MSL3: variants seen among roughly 807,000 people sequenced by gnomAD.
The protein encoded by MSL3 is MSL3-like 1.
MSL3 carries 5 observed loss-of-function variants against 37.2 expected under a neutral mutation model. The observed-to-expected ratio is 0.13, with a 90% CI of 0.07 to 0.28. MSL3 has a LOEUF of 0.28. MSL3 is among the 10% of genes least tolerant of loss of function. The pLI, the probability that MSL3 is intolerant of heterozygous loss-of-function variation, is 1.00. For synonymous variants in MSL3, 149 were observed against 147.6 expected (o/e 1.01, Z -0.07); for missense variants, 315 against 408.5 (o/e 0.77, Z 1.97).
chrX:11,764,119 A>C, intron 8 of MSL3, 181 bp downstream of exon 8: 1 of 402,999 alleles, frequency 2.5e-6, no homozygotes, highest in Non-Finnish European at 4.2e-6. Context: ...ATTCACTTTC[A>C]TATGGCTCTG....
intron 10 of MSL3, among the ~76,000 whole-genome samples, chrX:11,770,285 G>C (rs188111047): frequency 8.9e-6 from 1 of 111,989 alleles, no homozygotes; most frequent in East Asian, 2.8e-4. Flanking sequence ...GATGATTGTT[G>C]AGGGTAGGTT....
At chrX:11,758,871 G>A (rs1313417377) in intron 1 of MSL3, 2 of 899,127 alleles carry the variant, frequency 2.2e-6, no homozygotes, top group East Asian at 6.9e-5. Context: ...TGTAGGCCGT[G>A]AACCCCATCC....
intron 5 of MSL3, 45 bp downstream of exon 5, chrX:11,761,627 T>G: frequency 1.2e-6 from 1 of 858,944 alleles, no homozygotes; most frequent in Non-Finnish European, 1.7e-6. Context: ...TTATATATTT[T>G]AGTGGTAAAA....
chrX:11,768,011 A>G (rs1407991086), intron 9 of MSL3: 6 of 682,826 alleles, frequency 8.8e-6, no homozygotes, highest in Non-Finnish European at 8.7e-6. Context: ...ATTTGTATTT[A>G]TTGATGTGAA....
upstream of MSL3, chrX:11,758,201 CG>C: frequency 6.0e-6 from 1 of 167,990 alleles, no homozygotes; most frequent in Non-Finnish European, 1.1e-5. Flanking sequence ...CGCCCCCGCC[CG>C]CCCTCCCCCA....
chrX:11,758,714 C>T, intron 1 of MSL3: 11 of 1,167,161 alleles, frequency 9.4e-6, no homozygotes, highest in Admixed American at 2.6e-5. Flanking sequence ...TTAAATGTCT[C>T]CTTCTGTGCG....
chrX:11,760,551 T>C, intron 3 of MSL3, 53 bp downstream of exon 3: 1 of 897,794 alleles, frequency 1.1e-6, no homozygotes, highest in Non-Finnish European at 1.5e-6. Flanking sequence ...TTTCTCTTAG[T>C]GTTTTAGATT....
intron 1 of MSL3, among the ~76,000 whole-genome samples, chrX:11,759,185 G>T (rs1198126095): frequency 8.9e-6 from 1 of 112,246 alleles, no homozygotes; most frequent in Non-Finnish European, 1.9e-5. Flanking sequence ...GCAGTCCCAG[G>T]TGTGTCTTTG....
Position 11,767,235 on chromosome X carries a change from G to A in MSL3, c.1172-1338G>A. The A allele has an allele frequency of 1.1e-5, 8 of 754,596 alleles. No homozygotes were observed. In the South Asian group the frequency reaches 2.7e-4, roughly 25 times the overall value. 62.2% of individuals were successfully genotyped at this position (754,596 alleles called of 1,213,427 possible). A position where few individuals can be genotyped will look rare whatever the true frequency, so the allele number is the denominator to read the frequency against. Reference sequence around the variant, plus strand: ...GCTCAGAAGGGCAGAGTTGAAGAAGGCATACCTTTAAGAGAAGCCCTTTGA... The same window carrying A: ...GCTCAGAAGGGCAGAGTTGAAGAAGACATACCTTTAAGAGAAGCCCTTTGA... On this transcript the variant is annotated intron_variant, in intron 9 of 12. Coordinates refer to ENST00000312196, the MANE Select transcript of MSL3 (RefSeq NM_078629.4).
chrX:11,758,235 G>C (rs753697731), upstream of MSL3: 55 of 593,222 alleles, frequency 9.3e-5, no homozygotes, highest in South Asian at 1.8e-3. Context: ...CGCCCGCCCC[G>C]GAGCCTCGCC....
intron 4 of MSL3, 106 bp downstream of exon 4, chrX:11,761,043 A>G: frequency 1.8e-6 from 1 of 551,562 alleles, no homozygotes; most frequent in South Asian, 3.6e-5. Flanking sequence ...CTCATTATGT[A>G]TAATATTTGC....
chrX:11,760,212 T>C (rs1422065189), intron 2 of MSL3, 191 bp from the exon 3 acceptor site: 2 of 381,834 alleles, frequency 5.2e-6, no homozygotes, highest in African/African-American at 2.6e-5. Context: ...TGGGTGATTC[T>C]GGAAACCCCA....
chrX:11,760,725 A>G (rs2053124247), intron 3 of MSL3, 112 bp from the exon 4 acceptor site: 1 of 663,751 alleles, frequency 1.5e-6, no homozygotes, highest in Admixed American at 4.5e-5. Flanking sequence ...TTATGTTCTA[A>G]AGTTTAATAA....
Position 11,765,760 on chromosome X carries a change from G to A in MSL3, c.1171+31G>A. Reference sequence around the variant, plus strand: ...TTCATTCTCGGGTGCCCCAGGCCGGGGAGAGCCAGCGTGTACTTTGTGTTT... The same window carrying A: ...TTCATTCTCGGGTGCCCCAGGCCGGAGAGAGCCAGCGTGTACTTTGTGTTT... On this transcript the variant is annotated intron_variant, in intron 9 of 12. Coordinates refer to ENST00000312196, the MANE Select transcript of MSL3 (RefSeq NM_078629.4). 1 of 1,205,318 alleles carries A rather than the reference G, an allele frequency of 8.3e-7. No individual in the cohort carries two copies. The highest frequency in any genetic ancestry group is 1.1e-6 in the Non-Finnish European group (1 of 892,134).
intron 2 of MSL3, 99 bp downstream of exon 2, chrX:11,759,974 T>G: frequency 2.0e-6 from 2 of 978,113 alleles, no homozygotes; most frequent in South Asian, 5.0e-5. Flanking sequence ...GAAGTTTGTT[T>G]CATTTCCTGC....
intron 2 of MSL3, 148 bp downstream of exon 2, chrX:11,760,023 A>C: frequency 1.6e-6 from 1 of 641,160 alleles, no homozygotes; most frequent in Non-Finnish European, 2.3e-6. Flanking sequence ...TAAGTTTTTG[A>C]AACACTTGTA....
chrX:11,762,305 C>G, intron 6 of MSL3, 53 bp downstream of exon 6: 1 of 1,048,063 alleles, frequency 9.5e-7, no homozygotes, highest in Non-Finnish European at 1.3e-6. Context: ...TTCATTTTGC[C>G]ATAGTTTGCA....
In MSL3 at chrX:11,765,686, C is replaced by T. The variant is rs1238727165; in HGVS notation, c.1128C>T (p.Asp376=). 1 of 1,212,222 alleles carries T rather than the reference C, an allele frequency of 8.2e-7. No individual in the cohort carries two copies. The highest frequency in any genetic ancestry group is 2.2e-5 in the Admixed American group (1 of 46,105). The part of the protein sequence containing the change: ...ASPQPKRRQQ[D]TSASMPKLFL... ...CTCAGCCCAAGCGCCGGCAGCAGGA[C>T]ACATCCGCCAGCATGCCCAAGCTCT... Residue 376 remains aspartate (D), a synonymous_variant, in exon 9 of 13, where the codon GAC becomes GAT. Coordinates refer to ENST00000312196, the MANE Select transcript of MSL3 (RefSeq NM_078629.4).
chrX:11,775,093 C>G lies in MSL3; in HGVS notation c.*14C>G. The G allele has an allele frequency of 8.8e-7, 1 of 1,136,197 alleles. No homozygotes were observed. Among genetic ancestry groups the G allele is most frequent in the Non-Finnish European group, 1.2e-6 (1 of 828,606 alleles). The allele number at this position is 1,136,197 out of a possible 1,213,427, so 93.6% of individuals were successfully genotyped here. ...GCAATTTATTAAAATGTTGTTGGTT[C>G]TGTAAGAGCAACTGCTCTGTCTAGT... On this transcript the variant is annotated 3_prime_UTR_variant, in exon 13 of 13. Coordinates refer to ENST00000312196, the MANE Select transcript of MSL3 (RefSeq NM_078629.4).
Sources: allele counts gnomAD v4.1 joint callset (sites outside exome capture counted in the v4.1 genomes callset), GRCh38; gene constraint gnomAD v4.1.1; transcripts MANE v1.5; gene names NCBI Gene and HGNC (gene_info 2026-07-23, HGNC 2026-07-21).